CCDC6: variants seen among roughly 807,000 people sequenced by gnomAD.
The protein encoded by CCDC6 is coiled-coil domain-containing protein 6.
Under a neutral mutation model 56.6 loss-of-function variants are expected in CCDC6, and 20 were observed. The observed-to-expected ratio is 0.35, with a 90% CI of 0.25 to 0.51. The LOEUF (loss-of-function observed/expected upper bound fraction) is 0.51, where lower values mean the gene tolerates loss of function less well. Ranked by LOEUF, CCDC6 falls within the 20% of genes least tolerant of loss-of-function variation. CCDC6 has a pLI of 0.95. For synonymous variants in CCDC6, 241 were observed against 234.4 expected (o/e 1.03, Z -0.26); for missense variants, 367 against 601.1 (o/e 0.61, Z 4.07).
intron 5 of CCDC6, among the ~76,000 whole-genome samples, chr10:59,809,730 G>A (rs1317379775): frequency 6.6e-6 from 1 of 152,040 alleles, no homozygotes; most frequent in Non-Finnish European, 1.5e-5. Context: ...TGGAAACTGT[G>A]ACTTTAAGTG....
intron 3 of CCDC6, among the ~76,000 whole-genome samples, chr10:59,819,099 T>C (rs1426372949): frequency 6.6e-6 from 1 of 152,200 alleles, no homozygotes; most frequent in African/African-American, 2.4e-5. Flanking sequence ...CAGAAGTATG[T>C]TGGGTCTTTA....
In CCDC6 at chr10:59,792,984, A is replaced by G. The variant is rs1362746781; in HGVS notation, c.1358T>C (p.Val453Ala). ...PPPPPPMQPT[V>A]PSAATSQPTP... Reference sequence around the variant, plus strand: ...AGGCTGCGAGGTGGCTGCTGAGGGGACCGTGGGCTGCATGGGTGGCGGAGG... The same window carrying G: ...AGGCTGCGAGGTGGCTGCTGAGGGGGCCGTGGGCTGCATGGGTGGCGGAGG... Residue 453 changes from valine to alanine, a missense_variant, in exon 9 of 9, where the codon GTC becomes GCC. By Grantham distance (64) the Val-to-Ala change is moderately conservative. This residue lies in a region of CCDC6 where 54 missense variants were observed against 60.0 expected (regional missense o/e 0.90). Transcript: ENST00000263102. 6.2e-7 allele frequency: 1 copy of G among 1,612,890 alleles called. No homozygotes were observed. Among genetic ancestry groups the G allele is most frequent in the Admixed American group, 1.7e-5 (1 of 59,944 alleles).
chr10:59,857,929 G>T (rs953953491), intron 1 of CCDC6, among the ~76,000 whole-genome samples: 2 of 152,158 alleles, frequency 1.3e-5, no homozygotes, highest in African/African-American at 4.8e-5. Context: ...ATAAAAACTT[G>T]TTCTGTTTAA....
chr10:59,875,161 G>A (rs568667441), intron 1 of CCDC6, among the ~76,000 whole-genome samples: 60 of 152,288 alleles, frequency 3.9e-4, no homozygotes, highest in Non-Finnish European at 6.9e-4. Flanking sequence ...TTGCTTTAAA[G>A]GTTCACACCA....
At chr10:59,869,389 CAAAAA>C (rs1167007522) in intron 1 of CCDC6, among the ~76,000 whole-genome samples, 2 of 6,088 alleles carry the variant, frequency 3.3e-4, no homozygotes, top group Non-Finnish European at 6.5e-4. Context: ...CTTGCTCAGG[CAAAAA>C]AAAAAAAAAA....
intron 1 of CCDC6, among the ~76,000 whole-genome samples, chr10:59,885,927 C>CCG (rs2071380553): frequency 9.1e-6 from 1 of 110,470 alleles, no homozygotes; most frequent in Non-Finnish European, 1.8e-5. Flanking sequence ...CCCCCGCCCC[C>CCG]CCAACTAGAA....
chr10:59,872,591 T>G lies in CCDC6; in HGVS notation c.304-19889A>C, dbSNP rs1224778720. The stretch of plus-strand genomic sequence containing the variant: ...TAAGGCTGGCTTTGTGAGTTGGAGG[T>G]TATTGATGTATGAACATTTTCTAGT... On this transcript the variant is annotated intron_variant, in intron 1 of 8. Coordinates refer to ENST00000263102, the MANE Select transcript of CCDC6 (RefSeq NM_005436.5). Among the ~76,000 whole-genome samples the G allele has an allele frequency of 7.2e-5, 11 of 151,884 alleles. No homozygotes were observed. In the East Asian group the frequency reaches 2.1e-3, roughly 29 times the overall value.
intron 3 of CCDC6, among the ~76,000 whole-genome samples, chr10:59,817,565 T>C (rs1264624188): frequency 2.0e-5 from 3 of 152,084 alleles, no homozygotes; most frequent in Non-Finnish European, 4.4e-5. Flanking sequence ...TCATAGGAGG[T>C]AGAGGTAGTT....
chr10:59,839,139 G>A (rs1313707360), intron 2 of CCDC6, among the ~76,000 whole-genome samples: 1 of 152,200 alleles, frequency 6.6e-6, no homozygotes, highest in Non-Finnish European at 1.5e-5. Context: ...TTTGCAAAGA[G>A]TGAAATCACA....
chr10:59,796,848 G>GTA (rs2070524010), intron 7 of CCDC6, among the ~76,000 whole-genome samples: 5 of 151,948 alleles, frequency 3.3e-5, no homozygotes, highest in Admixed American at 3.3e-4. Flanking sequence ...GCGGGTGCCT[G>GTA]TAGTCCTAGC....
intron 1 of CCDC6, among the ~76,000 whole-genome samples, chr10:59,875,168 A>G (rs1252098526): frequency 6.6e-6 from 1 of 152,246 alleles, no homozygotes; most frequent in East Asian, 1.9e-4. Flanking sequence ...AAAGGTTCAC[A>G]CCAACCCTCA....
chr10:59,797,978 C>T (rs1296487714), intron 7 of CCDC6, among the ~76,000 whole-genome samples: 1 of 152,138 alleles, frequency 6.6e-6, no homozygotes, highest in African/African-American at 2.4e-5. Flanking sequence ...AAAAGCGATC[C>T]TCACCTACAT....
In CCDC6 at chr10:59,879,095, T is replaced by C. The variant is rs1589059161; in HGVS notation, c.304-26393A>G. 3.3e-5 allele frequency among the ~76,000 whole-genome samples: 5 copies of C among 152,156 alleles called. No homozygotes were observed. In the South Asian group the frequency reaches 1.0e-3, roughly 32 times the overall value. On this transcript the variant is annotated intron_variant, in intron 1 of 8. Coordinates refer to ENST00000263102, the MANE Select transcript of CCDC6 (RefSeq NM_005436.5). Reference sequence around the variant, plus strand: ...ATTATGATCATCCTCATTCAACAGGTAAGGAGTGAAGGGTCAAGTGTGATT... The same window carrying C: ...ATTATGATCATCCTCATTCAACAGGCAAGGAGTGAAGGGTCAAGTGTGATT...
intron 1 of CCDC6, among the ~76,000 whole-genome samples, chr10:59,887,841 C>T (rs765892091): frequency 3.3e-5 from 5 of 152,022 alleles, no homozygotes; most frequent in Admixed American, 2.6e-4. Context: ...TGCCAAGGAG[C>T]TAACAGAGGA....
chr10:59,846,193 T>C (rs1027912300), intron 2 of CCDC6, among the ~76,000 whole-genome samples: 80 of 152,082 alleles, frequency 5.3e-4, no homozygotes, highest in Admixed American at 1.2e-3. Context: ...TCCAGTAAAA[T>C]GGTATTAGGA....
intron 3 of CCDC6, among the ~76,000 whole-genome samples, chr10:59,831,883 G>A (rs933709710): frequency 6.6e-5 from 10 of 152,306 alleles, no homozygotes; most frequent in East Asian, 3.9e-4. Context: ...AAGGGATTGC[G>A]TGCTATTACT....
At chr10:59,871,098 T>C (rs369604871) in intron 1 of CCDC6, among the ~76,000 whole-genome samples, 67 of 152,278 alleles carry the variant, frequency 4.4e-4, no homozygotes, top group African/African-American at 7.5e-4. Flanking sequence ...ATCCCATGAG[T>C]GAAGTTTTAT....
chr10:59,848,605 G>A (rs1445175208), intron 2 of CCDC6, among the ~76,000 whole-genome samples: 1 of 152,178 alleles, frequency 6.6e-6, no homozygotes, highest in Non-Finnish European at 1.5e-5. Context: ...TTGCACTCCA[G>A]CCTAGGTGAC....
At chr10:59,851,482 T>A (rs2071038727) in intron 2 of CCDC6, among the ~76,000 whole-genome samples, 1 of 152,198 alleles carries the variant, frequency 6.6e-6, no homozygotes, top group Middle Eastern at 3.2e-3. Flanking sequence ...CTTTATTCAG[T>A]AATTAGGTAG....
Sources: gnomAD v4.1 joint callset for allele counts (sites outside exome capture counted in the v4.1 genomes callset) on GRCh38, gnomAD v4.1.1 for gene constraint, gnomAD v4.1.1 regional missense constraint, MANE v1.5 for transcripts, NCBI Gene and HGNC (gene_info 2026-07-23, HGNC 2026-07-21) for gene names.